The following TENM3 variants were observed in gnomAD, a reference collection of about 807,000 sequenced individuals.
The protein encoded by TENM3 is teneurin transmembrane protein 3, also known as teneurin-3.
TENM3 carries 63 observed loss-of-function variants against 255.1 expected under a neutral mutation model. That is an observed-to-expected ratio of 0.25 (90% CI 0.20 to 0.30). TENM3 has a LOEUF of 0.30. Among genes scored for constraint, TENM3 ranks in the 10% least tolerant of loss-of-function variants. TENM3 has a pLI of 1.00. For synonymous variants in TENM3, 1,306 were observed against 1,322.3 expected (o/e 0.99, Z 0.27); for missense variants, 2,929 against 3,461.1 (o/e 0.85, Z 3.86).
chr4:181,630,553 G>T, the TENM3 span, among the ~76,000 whole-genome samples: 1 of 152,038 alleles, frequency 6.6e-6, no homozygotes, highest in East Asian at 1.9e-4. Context: ...TGTTCTCATT[G>T]GTTTCAAAGA....
the TENM3 span, among the ~76,000 whole-genome samples, chr4:181,526,277 A>G: frequency 1.3e-5 from 2 of 151,960 alleles, no homozygotes; most frequent in African/African-American, 2.4e-5. Flanking sequence ...TTAAAAAAAA[A>G]AAACCAGCAA....
chr4:182,775,555 C>G (rs1443405138), intron 24 of TENM3, among the ~76,000 whole-genome samples: 1 of 152,184 alleles, frequency 6.6e-6, no homozygotes, highest in Admixed American at 6.5e-5. Context: ...CGTTTGCTGC[C>G]TCTACTCACT....
chr4:182,177,912 G>A (rs944812962), intron 1 of TENM3, among the ~76,000 whole-genome samples: 6 of 148,034 alleles, frequency 4.1e-5, no homozygotes, highest in Non-Finnish European at 3.0e-5. Flanking sequence ...GGCAAAAGAC[G>A]AAAAGTCATA....
At chr4:182,176,304 TCA>T (rs1330596678) in intron 1 of TENM3, among the ~76,000 whole-genome samples, 1 of 149,444 alleles carries the variant, frequency 6.7e-6, no homozygotes, top group Non-Finnish European at 1.5e-5. Context: ...AATTACAGCT[TCA>T]CCACCGTGTG....
chr4:182,107,321 A>C, the TENM3 span, among the ~76,000 whole-genome samples: 3 of 152,114 alleles, frequency 2.0e-5, no homozygotes, highest in Non-Finnish European at 4.4e-5. Flanking sequence ...CCTTAATTGC[A>C]CCGCAGCTGA....
intron 3 of TENM3, among the ~76,000 whole-genome samples, chr4:182,555,058 T>C (rs372748683): frequency 2.0e-4 from 30 of 152,172 alleles, no homozygotes; most frequent in African/African-American, 7.0e-4. Context: ...TCAGTGAACG[T>C]GGTTCCTTAC....
the TENM3 span, among the ~76,000 whole-genome samples, chr4:181,729,365 A>T: frequency 6.6e-6 from 1 of 152,154 alleles, no homozygotes; most frequent in Admixed American, 6.5e-5. Context: ...GTGGAAGCAA[A>T]TGCCATGATG....
intron 1 of TENM3, among the ~76,000 whole-genome samples, chr4:182,178,807 G>A (rs7656909): frequency 6.2e-4 from 95 of 152,222 alleles, no homozygotes; most frequent in African/African-American, 2.0e-3. Flanking sequence ...ATTCTAAAGT[G>A]TTTTCTAGTT....
chr4:181,731,633 A>T, the TENM3 span, among the ~76,000 whole-genome samples: 2 of 152,198 alleles, frequency 1.3e-5, no homozygotes, highest in African/African-American at 4.8e-5. Flanking sequence ...TATTTATTAA[A>T]TGCCTACTCT....
At position 182,753,458 on chromosome 4, in the gene TENM3, G is replaced by A. The variant is rs202113576; in HGVS notation, c.3871G>A (p.Val1291Ile). 2.3e-5 allele frequency: 37 copies of A among 1,612,492 alleles called. No individual in the cohort carries two copies. In the East Asian group the frequency reaches 8.2e-4, roughly 36 times the overall value. The change falls in exon 21 of 28, where the codon GTT (valine) becomes ATT (isoleucine). Residue 1291 changes from valine to isoleucine, a missense_variant. Coordinates refer to ENST00000511685, the MANE Select transcript of TENM3 (RefSeq NM_001080477.4). ...ATLMSPKGMAVDKNGLIYFVD... is the reference protein window; with the variant it reads ...ATLMSPKGMAIDKNGLIYFVD... ...GCTTCTCTCAAATACAGGAATGGCA[G>A]TTGATAAGAATGGATTAATCTACTT...
chr4:182,534,632 T>C (rs1314896964), intron 3 of TENM3, among the ~76,000 whole-genome samples: 1 of 152,190 alleles, frequency 6.6e-6, no homozygotes, highest in Non-Finnish European at 1.5e-5. Flanking sequence ...TTTTCCTGTT[T>C]TATATATAAG....
chr4:181,615,911 G>A, the TENM3 span, among the ~76,000 whole-genome samples: 1 of 152,166 alleles, frequency 6.6e-6, no homozygotes, highest in African/African-American at 2.4e-5. Flanking sequence ...GAAGTTTACT[G>A]TGAGAAAACT....
chr4:181,927,448 C>T, the TENM3 span, among the ~76,000 whole-genome samples: 1 of 152,376 alleles, frequency 6.6e-6, no homozygotes, highest in African/African-American at 2.4e-5. Context: ...TCAGCAAAGC[C>T]ACTGTGGCCA....
the TENM3 span, among the ~76,000 whole-genome samples, chr4:182,097,678 G>A: frequency 6.6e-6 from 1 of 151,670 alleles, no homozygotes; most frequent in African/African-American, 2.4e-5. Context: ...GCCCCGTGTG[G>A]TCCGGAAAAG....
At chr4:181,455,883 CAGCTATATTAAT>C in the TENM3 span, among the ~76,000 whole-genome samples, 1 of 151,856 alleles carries the variant, frequency 6.6e-6, no homozygotes. Context: ...CAATAGAAAT[CAGCTATATTAAT>C]AGCTTTGATA....
intron 3 of TENM3, among the ~76,000 whole-genome samples, chr4:182,594,524 TA>T (rs1746988746): frequency 6.6e-6 from 1 of 152,186 alleles, no homozygotes. Flanking sequence ...GACCTGTCTC[TA>T]AATAAATCAA....
chr4:181,864,714 G>T, the TENM3 span, among the ~76,000 whole-genome samples: 1 of 152,122 alleles, frequency 6.6e-6, no homozygotes, highest in Non-Finnish European at 1.5e-5. Flanking sequence ...GCCCGTATAG[G>T]TATGAACTGA....
At chr4:181,894,244 C>T in the TENM3 span, among the ~76,000 whole-genome samples, 1 of 152,060 alleles carries the variant, frequency 6.6e-6, no homozygotes. Flanking sequence ...ACATTCTGAT[C>T]ATCATTAGCA....
At chr4:182,747,530 G>A (rs918219083) in intron 19 of TENM3, among the ~76,000 whole-genome samples, 1 of 152,106 alleles carries the variant, frequency 6.6e-6, no homozygotes, top group Admixed American at 6.5e-5. Flanking sequence ...GATGTTTATA[G>A]TATTAGTTTG....
Sources: allele counts gnomAD v4.1 joint callset (sites outside exome capture counted in the v4.1 genomes callset), GRCh38; gene constraint gnomAD v4.1.1; transcripts MANE v1.5; gene names NCBI Gene and HGNC (gene_info 2026-07-23, HGNC 2026-07-21).